The following EDIL3 variants were observed in gnomAD, a reference collection of about 807,000 sequenced individuals.
EDIL3 encodes EGF like and discoidin domains 3, also known as EGF-like repeat and discoidin I-like domain-containing protein 3.
EDIL3 carries 37 observed loss-of-function variants against 67.4 expected under a neutral mutation model. The ratio of observed to expected loss-of-function variants is 0.55; its 90% CI spans 0.42 to 0.72. The LOEUF (loss-of-function observed/expected upper bound fraction) is 0.72, where lower values mean the gene tolerates loss of function less well. Among genes scored for constraint, EDIL3 ranks in the 30% least tolerant of loss-of-function variants. The pLI is 0.00. For synonymous variants in EDIL3, 195 were observed against 196.3 expected (o/e 0.99, Z 0.05); for missense variants, 527 against 586.3 (o/e 0.90, Z 1.04).
At chr5:84,294,753 T>C (rs1001305895) in intron 1 of EDIL3, among the ~76,000 whole-genome samples, 1 of 152,210 alleles carries the variant, frequency 6.6e-6, no homozygotes, top group African/African-American at 2.4e-5. Context: ...AAGAACTTAC[T>C]GAGTGTCAGG....
Position 84,283,892 on chromosome 5 carries a change from A to C in EDIL3, c.68-29680T>G, listed in dbSNP as rs1745756476. ...CTCAAACCACCCCGCAAAACTTTTC[A>C]GTGAAAAGCACACCACTCATCCAGC... is the stretch of plus-strand genomic sequence containing the variant. On this transcript the variant is annotated intron_variant, in intron 1 of 10. Transcript: ENST00000296591. 2.0e-5 allele frequency among the ~76,000 whole-genome samples: 3 copies of C among 152,124 alleles called. No homozygotes were observed. The South Asian group carries it at 6.2e-4, about 32-fold the overall frequency.
chr5:84,294,384 CAAAAAAAAAAAAAAA>C (rs1173407354), intron 1 of EDIL3, among the ~76,000 whole-genome samples: 2 of 31,808 alleles, frequency 6.3e-5, no homozygotes, highest in South Asian at 1.3e-3. Flanking sequence ...GACTCTGTCT[CAAAAAAAAAAAAAAA>C]AAAAAAAAAA....
intron 9 of EDIL3, among the ~76,000 whole-genome samples, chr5:84,059,429 GAGAGA>G (rs1746504357): frequency 6.6e-6 from 1 of 152,074 alleles, no homozygotes; most frequent in Non-Finnish European, 1.5e-5. Flanking sequence ...GAGCAGAGAG[GAGAGA>G]AGAGAAGAGG....
intron 1 of EDIL3, among the ~76,000 whole-genome samples, chr5:84,300,953 C>T (rs1243972448): frequency 6.6e-6 from 1 of 151,772 alleles, no homozygotes. Flanking sequence ...CACACACACA[C>T]GTCTCATAAA....
intron 4 of EDIL3, among the ~76,000 whole-genome samples, chr5:84,175,390 A>T (rs1748885119): frequency 6.6e-6 from 1 of 152,234 alleles, no homozygotes; most frequent in African/African-American, 2.4e-5. Flanking sequence ...AAGGGAAAAA[A>T]ATAAAGACCC....
chr5:84,280,544 G>A (rs528590741), intron 1 of EDIL3, among the ~76,000 whole-genome samples: 2 of 152,094 alleles, frequency 1.3e-5, no homozygotes, highest in Non-Finnish European at 2.9e-5. Context: ...ACGACTGTCG[G>A]CACTGCACTG....
rs566575364 is a variant in EDIL3 at position 84,002,849 on chromosome 5, A to C, written c.1138-39489T>G. Among the ~76,000 whole-genome samples the C allele has an allele frequency of 2.6e-5, 4 of 152,320 alleles. No homozygotes were observed. The South Asian group carries it at 8.3e-4, about 32-fold the overall frequency. On this transcript the variant is annotated intron_variant, in intron 9 of 10. Transcript: ENST00000296591. The stretch of plus-strand genomic sequence containing the variant: ...CTCTAGTAGGCCAAAGGTACTCTCT[A>C]TGGAGAGAAGGCCAGTTTCTCTTCC...
intron 1 of EDIL3, among the ~76,000 whole-genome samples, chr5:84,265,807 T>A (rs2112090053): frequency 6.6e-6 from 1 of 152,332 alleles, no homozygotes; most frequent in African/African-American, 2.4e-5. Context: ...ATATGGCCAA[T>A]GCGTTTCCTT....
chr5:84,109,813 T>G (rs865823845), intron 5 of EDIL3, among the ~76,000 whole-genome samples: 4 of 152,266 alleles, frequency 2.6e-5, no homozygotes, highest in South Asian at 4.1e-4. Context: ...GATTCTTGAA[T>G]GAAGTGTGAG....
At chr5:84,094,690 AGTT>A (rs1747230915) in intron 6 of EDIL3, among the ~76,000 whole-genome samples, 2 of 152,056 alleles carry the variant, frequency 1.3e-5, no homozygotes, top group Admixed American at 6.5e-5. Flanking sequence ...CTGTTAACAA[AGTT>A]GTTAAAAAAA....
chr5:84,109,758 CAT>C (rs1747526807), intron 5 of EDIL3, among the ~76,000 whole-genome samples: 1 of 152,056 alleles, frequency 6.6e-6, no homozygotes, highest in South Asian at 2.1e-4. Flanking sequence ...CTGTCACTTA[CAT>C]ATAGTCAAAA....
intron 1 of EDIL3, among the ~76,000 whole-genome samples, chr5:84,324,139 C>T (rs1386816724): frequency 6.6e-6 from 1 of 151,884 alleles, no homozygotes; most frequent in Non-Finnish European, 1.5e-5. Context: ...CCACATGGGA[C>T]ATTTTCAGGA....
At chr5:83,968,242 A>C (rs1196072671) in intron 9 of EDIL3, among the ~76,000 whole-genome samples, 2 of 152,042 alleles carry the variant, frequency 1.3e-5, no homozygotes, top group Non-Finnish European at 2.9e-5. Context: ...TGAAATATTC[A>C]GCTCCTGTAT....
At chr5:84,178,131 G>A (rs530684419) in intron 4 of EDIL3, among the ~76,000 whole-genome samples, 8 of 152,168 alleles carry the variant, frequency 5.3e-5, no homozygotes, top group Admixed American at 1.3e-4. Flanking sequence ...GTAACTGAAC[G>A]TGATAGTTGC....
intron 9 of EDIL3, among the ~76,000 whole-genome samples, chr5:84,020,003 G>A (rs370724185): frequency 7.8e-5 from 11 of 141,230 alleles, no homozygotes; most frequent in South Asian, 6.9e-4. Flanking sequence ...TTAGCGGAAC[G>A]TTGCAATTAA....
At chr5:84,139,624 T>C (rs1748154253) in intron 4 of EDIL3, among the ~76,000 whole-genome samples, 1 of 152,164 alleles carries the variant, frequency 6.6e-6, no homozygotes. Flanking sequence ...CAATTTGTTT[T>C]AGATGAGAAC....
chr5:84,001,761 A>C (rs772387363), intron 9 of EDIL3, among the ~76,000 whole-genome samples: 15 of 152,160 alleles, frequency 9.9e-5, no homozygotes, highest in Non-Finnish European at 1.5e-4. Flanking sequence ...AATAGATTGA[A>C]GCCATAATAA....
chr5:84,368,341 A>G (rs953237482), intron 1 of EDIL3, among the ~76,000 whole-genome samples: 4 of 152,196 alleles, frequency 2.6e-5, no homozygotes, highest in African/African-American at 9.6e-5. Context: ...GATTTTTGAC[A>G]AGCGTGCCAA....
chr5:84,154,872 G>A (rs115142822), intron 4 of EDIL3, among the ~76,000 whole-genome samples: 4,258 of 151,692 alleles, frequency 0.028, 77 homozygotes, highest in Middle Eastern at 0.068. Flanking sequence ...GCTAATTTTC[G>A]TATTTTTAGA....
Sources: gnomAD v4.1 joint callset for allele counts (sites outside exome capture counted in the v4.1 genomes callset) on GRCh38, gnomAD v4.1.1 for gene constraint, MANE v1.5 for transcripts, NCBI Gene and HGNC (gene_info 2026-07-23, HGNC 2026-07-21) for gene names.